Variants in VIRMA observed in about 807,000 individuals in gnomAD.
VIRMA encodes protein virilizer homolog.
VIRMA carries 65 observed loss-of-function variants against 182.4 expected under a neutral mutation model. The observed-to-expected ratio is 0.36, with a 90% confidence interval of 0.29 to 0.44. The LOEUF is 0.44. Ranked by LOEUF, VIRMA falls within the 20% of genes least tolerant of loss-of-function variation. VIRMA has a pLI of 1.00. For synonymous variants in VIRMA, 709 were observed against 743.1 expected (o/e 0.95, Z 0.75); for missense variants, 1,752 against 2,158.1 (o/e 0.81, Z 3.73).
Position 94,526,482 on chromosome 8 carries a change from G to T in VIRMA, c.1762C>A (p.His588Asn), listed in dbSNP as rs765407097. The part of the protein sequence containing the change: ...SSLPNHSEPD[H>N]DTDAGLERTN... ...CTCTCAAGTCCAGCATCTGTGTCGT[G>T]ATCAGGTTCACTGTGGTTAGGAAGA... The change falls in exon 8 of 24, where the codon CAC (histidine) becomes AAC (asparagine). Residue 588 changes from histidine to asparagine, a missense_variant. Around this residue, in one of 11 missense-constraint regions of VIRMA, gnomAD observed 401 missense variants for 455.1 expected, o/e 0.88. Coordinates refer to ENST00000297591, the MANE Select transcript of VIRMA (RefSeq NM_015496.5). 5.6e-6 allele frequency: 9 copies of T among 1,613,712 alleles called. No homozygotes were observed. The highest frequency in any genetic ancestry group is 7.6e-6 in the Non-Finnish European group (9 of 1,179,968).
rs750499013 is a variant in VIRMA, at chr8:94,490,004, C to T, written c.5219G>A (p.Ser1740Asn). The T allele has an allele frequency of 1.9e-6, 3 of 1,614,182 alleles. No individual in the cohort carries two copies. Among genetic ancestry groups the T allele is most frequent in the Non-Finnish European group, 2.5e-6 (3 of 1,180,012 alleles). ...QNTPRGNYNE[S>N]RGGQSNFNRG... The stretch of plus-strand genomic sequence containing the variant: ...GTTAAAATTGCTCTGGCCTCCACGA[C>T]TTTCATTGTAATTTCCTCGAGGAGT... Residue 1740 changes from serine to asparagine, a missense_variant, in exon 23 of 24, where the codon AGT (serine) becomes AAT (asparagine). This residue lies in a region of VIRMA where 132 missense variants were observed against 173.8 expected (regional missense o/e 0.76). Coordinates refer to ENST00000297591, the MANE Select transcript of VIRMA (RefSeq NM_015496.5).
chr8:94,530,610 C>A (rs774461349), intron 6 of VIRMA, among the ~76,000 whole-genome samples: 3 of 152,114 alleles, frequency 2.0e-5, no homozygotes, highest in Non-Finnish European at 4.4e-5. Context: ...CACCTGATTT[C>A]TTTTCTTAAT....
rs748888279 is a variant in VIRMA at position 94,531,102 on chromosome 8, G to A, written c.485-17C>T. 2 of 1,510,842 alleles carry A rather than the reference G, an allele frequency of 1.3e-6. No homozygotes were observed. The highest frequency in any genetic ancestry group is 2.4e-5 in the East Asian group (1 of 40,864). 93.6% of individuals were successfully genotyped at this position (1,510,842 alleles called of 1,614,324 possible). The stretch of plus-strand genomic sequence containing the variant: ...CCCCATCAGCTAGTGTTTTATGGGA[G>A]ACAGAAAAAGAACTTTCAAATTACA... On this transcript the variant is annotated splice_polypyrimidine_tract_variant and intron_variant, in intron 5 of 23. Coordinates refer to ENST00000297591, the MANE Select transcript of VIRMA (RefSeq NM_015496.5).
Position 94,507,745 on chromosome 8 carries a change from C to T in VIRMA, c.3880-1028G>A, listed in dbSNP as rs1490107522. Among the ~76,000 whole-genome samples, 3 of 151,958 alleles carry T rather than the reference C, an allele frequency of 2.0e-5. 1 individual carries two copies. Among genetic ancestry groups the T allele is most frequent in the East Asian group, 2.0e-4 (1 of 5,102 alleles). ...CTCCAGTCTGGGCAACAGAGCCAGA[C>T]TCCATCTCAAAAACAAACAAACAAA... On this transcript the variant is annotated intron_variant, in intron 15 of 23. Transcript: ENST00000297591.
At chr8:94,527,397 C>T (rs1815011395) in intron 7 of VIRMA, 34 bp from the exon 8 acceptor site, 1 of 1,268,580 alleles carries the variant, frequency 7.9e-7, no homozygotes, top group Admixed American at 2.4e-5. Flanking sequence ...TTAAGTATTA[C>T]ATCATCTTTG....
At chr8:94,536,890 A>G (rs1156961392) in intron 4 of VIRMA, among the ~76,000 whole-genome samples, 2 of 152,200 alleles carry the variant, frequency 1.3e-5, no homozygotes, top group Non-Finnish European at 2.9e-5. Context: ...GAGGCAGGAG[A>G]ATGGCGTGAA....
In VIRMA at chr8:94,506,495, A is replaced by G; in HGVS notation, c.4097+5T>C. 1.3e-6 allele frequency: 2 copies of G among 1,576,494 alleles called. No individual in the cohort carries two copies. The highest frequency in any genetic ancestry group is 1.7e-6 in the Non-Finnish European group (2 of 1,149,180). ...GAGAGTATATTAAATTAGACAAATC[A>G]TTACCTTTTTAAATGAAATAATCCA... On this transcript the variant is annotated splice_donor_5th_base_variant and intron_variant, in intron 16 of 23. Coordinates refer to ENST00000297591, the MANE Select transcript of VIRMA (RefSeq NM_015496.5).
Position 94,517,774 on chromosome 8 carries a change from T to C in VIRMA, c.2668+14A>G, listed in dbSNP as rs1453688719. On this transcript the variant is annotated intron_variant, in intron 10 of 23. Coordinates refer to ENST00000297591, the MANE Select transcript of VIRMA (RefSeq NM_015496.5). ...ACATATTACAAATGCTTAAAATAAC[T>C]TTAAGTACCATACCTTGCAATTTAG... The C allele has an allele frequency of 2.6e-6, 4 of 1,564,302 alleles. No individual in the cohort carries two copies. Among genetic ancestry groups the C allele is most frequent in the Admixed American group, 1.8e-5 (1 of 54,202 alleles).
chr8:94,503,974 A>G (rs922439202), intron 16 of VIRMA, among the ~76,000 whole-genome samples: 1 of 152,052 alleles, frequency 6.6e-6, no homozygotes, highest in African/African-American at 2.4e-5. Context: ...GGAGTTCAAG[A>G]CCAGCCTGGC....
intron 2 of VIRMA, among the ~76,000 whole-genome samples, chr8:94,543,320 G>T (rs1815630519): frequency 6.7e-6 from 1 of 149,118 alleles, no homozygotes; most frequent in South Asian, 2.1e-4. Context: ...AGACTCACTT[G>T]GACCCAGGAG....
rs753649630 is a variant in VIRMA at position 94,509,995 on chromosome 8, TTAAC to T, written c.3627-59_3627-56del. 5 of 1,463,874 alleles carry T rather than the reference TTAAC, an allele frequency of 3.4e-6. No homozygotes were observed. In the African/African-American group the frequency reaches 5.7e-5, roughly 17 times the overall value. 90.7% of individuals were successfully genotyped at this position (1,463,874 alleles called of 1,614,324 possible). A position where few individuals can be genotyped will look rare whatever the true frequency, so the allele number is the denominator to read the frequency against. ...AAAGTTCTTGACCTTAAGGCATTGTTTAACTAGTATTTATTTCTCAATACACATC... is the reference window on the plus strand; with the variant it reads ...AAAGTTCTTGACCTTAAGGCATTGTTTAGTATTTATTTCTCAATACACATC... On this transcript the variant is annotated intron_variant, in intron 14 of 23. Coordinates refer to ENST00000297591, the MANE Select transcript of VIRMA (RefSeq NM_015496.5).
chr8:94,509,645 C>A, intron 15 of VIRMA, 43 bp downstream of exon 15: 1 of 1,512,186 alleles, frequency 6.6e-7, no homozygotes, highest in Non-Finnish European at 9.0e-7. Flanking sequence ...CACACACACA[C>A]ATACACATGC....
At chr8:94,514,121 A>C (rs1018348734) in intron 11 of VIRMA, among the ~76,000 whole-genome samples, 1 of 151,978 alleles carries the variant, frequency 6.6e-6, no homozygotes, top group African/African-American at 2.4e-5. Flanking sequence ...ACGTGCATGC[A>C]TGCGTGTGCG....
rs769431781 is a variant in VIRMA, at chr8:94,553,418, T to C, written c.30A>G (p.Leu10=). 1.9e-6 allele frequency: 3 copies of C among 1,614,098 alleles called. No individual in the cohort carries two copies. The highest frequency in any genetic ancestry group is 2.2e-5 in the South Asian group (2 of 91,086). MAVDSAMEL[L]FLDTFKHPSA... ...TCGGGTGTTTAAAAGTATCTAAAAA[T>C]AACAGCTCCATCGCCGAGTCCACCG... The change falls in exon 1 of 24, where the codon TTA becomes TTG. Residue 10 remains leucine (L), a synonymous_variant. Coordinates refer to ENST00000297591, the MANE Select transcript of VIRMA (RefSeq NM_015496.5).
intron 8 of VIRMA, among the ~76,000 whole-genome samples, chr8:94,524,623 T>C (rs1249869608): frequency 6.6e-6 from 1 of 152,158 alleles, no homozygotes; most frequent in Admixed American, 6.5e-5. Flanking sequence ...TTATTTTTAG[T>C]AGAGATGGGG....
chr8:94,499,912 G>A (rs1813908419), intron 16 of VIRMA, among the ~76,000 whole-genome samples: 1 of 151,830 alleles, frequency 6.6e-6, no homozygotes, highest in Non-Finnish European at 1.5e-5. Flanking sequence ...AACGGGGGGT[G>A]GCAGCACACA....
intron 11 of VIRMA, 49 bp downstream of exon 11, chr8:94,514,820 C>G (rs1389138352): frequency 1.2e-5 from 11 of 912,390 alleles, no homozygotes; most frequent in Non-Finnish European, 2.0e-5. Context: ...TCACCATGTA[C>G]TACCACACAG....
intron 18 of VIRMA, 36 bp from the exon 19 acceptor site, chr8:94,495,927 G>A (rs777890228): frequency 6.3e-7 from 1 of 1,588,978 alleles, no homozygotes; most frequent in Non-Finnish European, 8.6e-7. Context: ...GAAGGTGCAG[G>A]TAAAACTTAT....
In VIRMA at chr8:94,534,848, G is replaced by A. The variant is rs1264574662; in HGVS notation, c.475C>T (p.Pro159Ser). 6.4e-7 allele frequency: 1 copy of A among 1,570,678 alleles called. No individual in the cohort carries two copies. The highest frequency in any genetic ancestry group is 1.7e-5 in the Admixed American group (1 of 57,374). ...AATTTAAAATTCTCACCATGTTTTG[G>A]ATTCCTTTTCAAACTTGGTTGTGGC... is the stretch of plus-strand genomic sequence containing the variant. ...PQPQPSLKRN[P>S]KHADGEKEDQ... Residue 159 changes from proline to serine, a missense_variant, in exon 5 of 24, where the codon CCA becomes TCA. Physicochemically the swap from Pro to Ser is moderately conservative, Grantham distance 74 (BLOSUM62 -1). This residue lies in a region of VIRMA where 17 missense variants were observed against 37.8 expected (regional missense o/e 0.45). Transcript: ENST00000297591.
Sources: allele counts gnomAD v4.1 joint callset (sites outside exome capture counted in the v4.1 genomes callset), GRCh38; gene constraint gnomAD v4.1.1; regional missense constraint gnomAD v4.1.1; transcripts MANE v1.5; gene names NCBI Gene and HGNC (gene_info 2026-07-23, HGNC 2026-07-21).